PGR: variants seen among roughly 807,000 people sequenced by gnomAD.
PGR encodes the protein progesterone receptor.
PGR carries 25 observed loss-of-function variants against 76.1 expected under a neutral mutation model. The observed-to-expected ratio is 0.33, with a 90% CI of 0.24 to 0.46. The LOEUF is 0.46. Ranked by LOEUF, PGR falls within the 20% of genes least tolerant of loss-of-function variation. The probability of loss-of-function intolerance (pLI) is 1.00; values close to 1 mark genes in which losing one functional copy is unlikely to be tolerated. For synonymous variants in PGR, 579 were observed against 535.0 expected (o/e 1.08, Z -1.14); for missense variants, 1,172 against 1,225.3 (o/e 0.96, Z 0.65).
intron 3 of PGR, among the ~76,000 whole-genome samples, chr11:101,081,947 G>A (rs1357118460): frequency 1.3e-5 from 2 of 152,142 alleles, no homozygotes; most frequent in Admixed American, 6.6e-5. Context: ...TGCCTGATAT[G>A]GTTTGGTTCT....
At position 101,056,511 on chromosome 11, in the gene PGR, GCTGGGGAGGCTGAAGTTA is replaced by G. The variant is rs370021769; in HGVS notation, c.2213-4961_2213-4944del. ...AGGTGTGGTGGTGCACACCTGTAGT[GCTGGGGAGGCTGAAGTTA>G]CTGGGGAGGCTGAAGCAGGACGATG... is the stretch of plus-strand genomic sequence containing the variant. On this transcript the variant is annotated intron_variant, in intron 4 of 7. Coordinates refer to ENST00000325455, the MANE Select transcript of PGR (RefSeq NM_000926.4). Among the ~76,000 whole-genome samples, 614 of 152,006 alleles carry G rather than the reference GCTGGGGAGGCTGAAGTTA, an allele frequency of 4.0e-3. 3 individuals carry two copies. Among genetic ancestry groups the G allele is most frequent in the African/African-American group, 0.014 (576 of 41,450 alleles).
intron 2 of PGR, among the ~76,000 whole-genome samples, chr11:101,117,237 CATT>C (rs1862538908): frequency 6.6e-6 from 1 of 152,058 alleles, no homozygotes; most frequent in South Asian, 2.1e-4. Flanking sequence ...CTGAAATTCC[CATT>C]ATTATTTTAA....
intron 6 of PGR, among the ~76,000 whole-genome samples, chr11:101,048,918 T>C (rs1373998780): frequency 6.6e-6 from 1 of 152,060 alleles, no homozygotes; most frequent in African/African-American, 2.4e-5. Context: ...GTTCTCTTTC[T>C]TTCTTTTTTT....
At chr11:101,077,200 T>C (rs1289571161) in intron 3 of PGR, among the ~76,000 whole-genome samples, 1 of 152,134 alleles carries the variant, frequency 6.6e-6, no homozygotes, top group African/African-American at 2.4e-5. Context: ...ACACTACCTA[T>C]ATAAAATTAT....
At chr11:101,100,290 C>G (rs766077305) in intron 2 of PGR, among the ~76,000 whole-genome samples, 1 of 152,184 alleles carries the variant, frequency 6.6e-6, no homozygotes, top group Non-Finnish European at 1.5e-5. Context: ...CCTACTGGCA[C>G]TCATTCTCTC....
chr11:101,040,841 A>AT (rs758384664), intron 7 of PGR, among the ~76,000 whole-genome samples: 2 of 151,804 alleles, frequency 1.3e-5, no homozygotes, highest in Non-Finnish European at 1.5e-5. Flanking sequence ...GATTTTCTCT[A>AT]TTTTTTCTTC....
chr11:101,098,998 C>A (rs141666132), intron 2 of PGR, among the ~76,000 whole-genome samples: 2 of 152,208 alleles, frequency 1.3e-5, no homozygotes, highest in East Asian at 3.9e-4. Context: ...GAACCTGGGC[C>A]AAGGAACAAA....
rs1863033724 is a variant in PGR at position 101,129,573 on chromosome 11, A to T, written c.-503T>A. ...TGAGTTCCACTGCCCCCTCACTAAA[A>T]CCCTGGGGCTAGTCGGACCTCTCGG... On this transcript the variant is annotated 5_prime_UTR_variant, in exon 1 of 8. Coordinates refer to ENST00000325455, the MANE Select transcript of PGR (RefSeq NM_000926.4). The T allele has an allele frequency of 5.4e-6, 1 of 184,136 alleles. No homozygotes were observed. The highest frequency in any genetic ancestry group is 6.3e-5 in the Admixed American group (1 of 15,966). 11.4% of individuals were successfully genotyped at this position (184,136 alleles called of 1,614,324 possible). A position where few individuals can be genotyped will look rare whatever the true frequency, so the allele number is the denominator to read the frequency against.
At chr11:101,070,587 G>A (rs911245348) in intron 3 of PGR, among the ~76,000 whole-genome samples, 5 of 152,268 alleles carry the variant, frequency 3.3e-5, no homozygotes, top group East Asian at 1.9e-4. Flanking sequence ...TGAAATTCTC[G>A]CTGCCAGCAC....
At chr11:101,061,213 C>G (rs1217668890) in intron 4 of PGR, among the ~76,000 whole-genome samples, 1 of 152,108 alleles carries the variant, frequency 6.6e-6, no homozygotes, top group African/African-American at 2.4e-5. Context: ...TTGATAACCA[C>G]TATGTGATAA....
At chr11:101,117,826 T>TG (rs1220547480) in intron 2 of PGR, among the ~76,000 whole-genome samples, 1 of 152,194 alleles carries the variant, frequency 6.6e-6, no homozygotes, top group Non-Finnish European at 1.5e-5. Context: ...TACTATTAAT[T>TG]GGGGTAAGTT....
chr11:101,059,036 C>CA (rs1418348561), intron 4 of PGR, among the ~76,000 whole-genome samples: 2 of 152,148 alleles, frequency 1.3e-5, no homozygotes, highest in Admixed American at 6.5e-5. Context: ...AGGGACCCCC[C>CA]ACACTTGAAA....
chr11:101,126,086 A>G lies in PGR; in HGVS notation c.1710T>C (p.Cys570=), dbSNP rs1039816352. The G allele has an allele frequency of 6.2e-7, 1 of 1,613,824 alleles. No individual in the cohort carries two copies. The highest frequency in any genetic ancestry group is 8.5e-7 in the Non-Finnish European group (1 of 1,179,872). The change falls in exon 2 of 8, where the codon TGT becomes TGC. Residue 570 remains cysteine, a synonymous_variant. Transcript: ENST00000325455. ...ESLPQKICLI[C]GDEASGCHYG... ...AATGACAGCCTGATGCTTCATCCCC[A>G]CAGATTAAACAAATCTTCTGAGGTA...
At chr11:101,069,357 A>T (rs1010185285) in intron 3 of PGR, among the ~76,000 whole-genome samples, 1 of 152,198 alleles carries the variant, frequency 6.6e-6, no homozygotes, top group African/African-American at 2.4e-5. Context: ...AAGTCAGGAA[A>T]CAACAGATGC....
chr11:101,041,426 C>T (rs999777443), intron 7 of PGR, among the ~76,000 whole-genome samples: 4 of 152,014 alleles, frequency 2.6e-5, no homozygotes, highest in Admixed American at 1.3e-4. Context: ...TTTTTTCCCC[C>T]TCTGCTATGG....
chr11:101,120,129 T>C (rs1322215663), intron 2 of PGR, among the ~76,000 whole-genome samples: 1 of 152,212 alleles, frequency 6.6e-6, no homozygotes, highest in Non-Finnish European at 1.5e-5. Flanking sequence ...AACTGAATAC[T>C]ACGGTGTGTT....
intron 2 of PGR, among the ~76,000 whole-genome samples, chr11:101,096,464 C>A (rs538408583): frequency 6.6e-6 from 1 of 152,082 alleles, no homozygotes; most frequent in Non-Finnish European, 1.5e-5. Context: ...CAACTAGAGC[C>A]GACTAAGGGA....
chr11:101,076,892 T>G (rs1443953346), intron 3 of PGR, among the ~76,000 whole-genome samples: 2 of 150,226 alleles, frequency 1.3e-5, no homozygotes, highest in African/African-American at 4.8e-5. Context: ...TCTATATCTT[T>G]ACTATTTTTT....
At chr11:101,115,590 G>A (rs953394842) in intron 2 of PGR, among the ~76,000 whole-genome samples, 1 of 152,098 alleles carries the variant, frequency 6.6e-6, no homozygotes, top group African/African-American at 2.4e-5. Context: ...TGGCCAACAT[G>A]GTGAAACCCC....
Sources: gnomAD v4.1 joint callset for allele counts (sites outside exome capture counted in the v4.1 genomes callset) on GRCh38, gnomAD v4.1.1 for gene constraint, MANE v1.5 for transcripts, NCBI Gene and HGNC (gene_info 2026-07-23, HGNC 2026-07-21) for gene names.